The following SDHD variants were observed in gnomAD, a reference collection of about 807,000 sequenced individuals.
SDHD encodes the protein succinate dehydrogenase complex subunit D, also known as succinate dehydrogenase [ubiquinone] cytochrome b small subunit, mitochondrial.
SDHD carries 6 observed loss-of-function variants against 18.7 expected under a neutral mutation model. The observed-to-expected ratio is 0.32, with a 90% CI of 0.18 to 0.63. The LOEUF is 0.63. SDHD is among the 30% of genes least tolerant of loss of function. SDHD has a pLI of 0.79. For synonymous variants in SDHD, 56 were observed against 73.9 expected (o/e 0.76, Z 1.24); for missense variants, 160 against 192.7 (o/e 0.83, Z 1.00).
intron 3 of SDHD, among the ~76,000 whole-genome samples, chr11:112,091,671 C>G (rs1363550523): frequency 6.6e-6 from 1 of 151,990 alleles, no homozygotes; most frequent in Non-Finnish European, 1.5e-5. Flanking sequence ...CCTTTAAAAC[C>G]CCCTTCTCAA....
intron 3 of SDHD, among the ~76,000 whole-genome samples, chr11:112,091,748 T>C (rs557516428): frequency 1.1e-4 from 17 of 152,180 alleles, no homozygotes; most frequent in Non-Finnish European, 2.2e-4. Flanking sequence ...ACCCCACTTA[T>C]TCCATCAGTT....
rs199754684 is a variant in SDHD, at chr11:112,088,978, C to T, written c.281C>T (p.Ser94Phe). ...YLNPCSAMDY[S>F]LAAALTLHGH... ...AATCCTTGCTCTGCGATGGACTATT[C>T]CCTGGCTGCAGCCCTCACTCTTCAT... Residue 94 changes from serine (S) to phenylalanine (F), a missense_variant, in exon 3 of 4, where the codon TCC becomes TTC. By Grantham distance (155) the Ser-to-Phe change is radical. Coordinates refer to ENST00000375549, the MANE Select transcript of SDHD (RefSeq NM_003002.4). 4.3e-6 allele frequency: 7 copies of T among 1,614,150 alleles called. No homozygotes were observed. Among genetic ancestry groups the T allele is most frequent in the Admixed American group, 1.7e-5 (1 of 60,024 alleles).
In SDHD at chr11:112,095,737, A is replaced by G. The variant is rs1865831346; in HGVS notation, c.*767A>G. On this transcript the variant is annotated 3_prime_UTR_variant, in exon 4 of 4. Coordinates refer to ENST00000375549, the MANE Select transcript of SDHD (RefSeq NM_003002.4). ...AATCTCTAATGTGAAAATGTATTCT[A>G]TGAAAATAATTTTTTTAAATAAAAT... 4.7e-6 allele frequency: 1 copy of G among 213,580 alleles called. No individual in the cohort carries two copies. 13.2% of individuals were successfully genotyped at this position (213,580 alleles called of 1,614,324 possible). A position where few individuals can be genotyped will look rare whatever the true frequency, so the allele number is the denominator to read the frequency against.
chr11:112,093,331 G>C (rs939215430), intron 3 of SDHD: 1 of 204,382 alleles, frequency 4.9e-6, no homozygotes, highest in Admixed American at 6.2e-5. Context: ...CACCCAAAGT[G>C]CTGGGATTAC....
Position 112,095,322 on chromosome 11 carries a change from C to G in SDHD, c.*352C>G, listed in dbSNP as rs192900956. Reference sequence around the variant, plus strand: ...TTACGATTAGTATATGATCAAACTTCCATATTTGCCTTGGGAATAATGGAC... The same window carrying G: ...TTACGATTAGTATATGATCAAACTTGCATATTTGCCTTGGGAATAATGGAC... On this transcript the variant is annotated 3_prime_UTR_variant, in exon 4 of 4. Transcript: ENST00000375549. 254 of 346,824 alleles carry G rather than the reference C, an allele frequency of 7.3e-4. 1 individual carries two copies. The highest frequency in any genetic ancestry group is 4.3e-3 in the African/African-American group (212 of 49,052). 21.5% of individuals were successfully genotyped at this position (346,824 alleles called of 1,614,324 possible).
At chr11:112,088,142 T>A in intron 2 of SDHD, 169 bp downstream of exon 2, 1 of 719,360 alleles carries the variant, frequency 1.4e-6, no homozygotes, top group Non-Finnish European at 2.6e-6. Context: ...TATGGTTGAA[T>A]GATGCCATTT....
chr11:112,087,709 C>T (rs1288648924), intron 1 of SDHD, 148 bp from the exon 2 acceptor site: 11 of 734,732 alleles, frequency 1.5e-5, no homozygotes, highest in Non-Finnish European at 2.5e-5. Context: ...TTCACAGTAA[C>T]CCCAGTGAAA....
chr11:112,089,914 C>T (rs1865712477), intron 3 of SDHD, among the ~76,000 whole-genome samples: 1 of 151,318 alleles, frequency 6.6e-6, no homozygotes, highest in South Asian at 2.1e-4. Flanking sequence ...AATGTATATC[C>T]CTAAATAGTA....
chr11:112,092,403 C>G (rs529605500), intron 3 of SDHD, among the ~76,000 whole-genome samples: 3 of 152,306 alleles, frequency 2.0e-5, no homozygotes, highest in Middle Eastern at 3.4e-3. Flanking sequence ...AGTTGTTGCT[C>G]TGTCCCCCAC....
At chr11:112,090,119 A>G (rs191159401) in intron 3 of SDHD, among the ~76,000 whole-genome samples, 33 of 151,840 alleles carry the variant, frequency 2.2e-4, no homozygotes, top group Admixed American at 9.8e-4. Context: ...TTGTTTGTTT[A>G]TTTTTTGAGA....
chr11:112,093,109 GGCACGATCTCGGCTCAGCACGATCTCA>G (rs1865777167), intron 3 of SDHD: 1 of 359,890 alleles, frequency 2.8e-6, no homozygotes, highest in Admixed American at 3.1e-5. Flanking sequence ...ATCTTGGCTC[GGCACGATCTCGGCTCAGCACGATCTCA>G]GCTTACTGCA....
intron 2 of SDHD, chr11:112,088,546 A>C (rs575355060): frequency 3.0e-5 from 12 of 397,008 alleles, no homozygotes; most frequent in South Asian, 2.6e-4. Context: ...GTGTCTGTTC[A>C]CTTCACTGAA....
Position 112,090,553 on chromosome 11 carries a change from G to C in SDHD, c.314+1542G>C, listed in dbSNP as rs775798464. 3.3e-5 allele frequency among the ~76,000 whole-genome samples: 5 copies of C among 152,160 alleles called. No individual in the cohort carries two copies. The East Asian group carries it at 9.6e-4, about 29-fold the overall frequency. On this transcript the variant is annotated intron_variant, in intron 3 of 3. Coordinates refer to ENST00000375549, the MANE Select transcript of SDHD (RefSeq NM_003002.4). Reference sequence around the variant, plus strand: ...GGACAATATGTTGTCATTGTGGGGGGTAGGGAGCCACTTTCGGATTGTTGA... The same window carrying C: ...GGACAATATGTTGTCATTGTGGGGGCTAGGGAGCCACTTTCGGATTGTTGA...
At chr11:112,089,760 A>C (rs1420789624) in intron 3 of SDHD, among the ~76,000 whole-genome samples, 1 of 152,082 alleles carries the variant, frequency 6.6e-6, no homozygotes, top group Non-Finnish European at 1.5e-5. Flanking sequence ...CTAACCACTT[A>C]TTCAAAATTG....
intron 3 of SDHD, among the ~76,000 whole-genome samples, chr11:112,091,727 T>A (rs1034352891): frequency 2.6e-5 from 4 of 152,230 alleles, no homozygotes; most frequent in African/African-American, 9.6e-5. Context: ...TAGATATTTC[T>A]TTTTGTTCTT....
At chr11:112,088,121 G>A (rs1865661516) in intron 2 of SDHD, 148 bp downstream of exon 2, 1 of 756,774 alleles carries the variant, frequency 1.3e-6, no homozygotes, top group Non-Finnish European at 2.4e-6. Flanking sequence ...CCTTTGGGCA[G>A]ACAGTGCCAT....
chr11:112,087,125 A>G (rs1420272045), intron 1 of SDHD, among the ~76,000 whole-genome samples, 166 bp downstream of exon 1: 1 of 152,188 alleles, frequency 6.6e-6, no homozygotes, highest in Non-Finnish European at 1.5e-5. Flanking sequence ...ACCCGAAGGT[A>G]TATTTCACTT....
chr11:112,087,840 A>G lies in SDHD; in HGVS notation c.53-17A>G, dbSNP rs1166658454. 1.3e-6 allele frequency: 2 copies of G among 1,538,568 alleles called. No homozygotes were observed. Among genetic ancestry groups the G allele is most frequent in the Non-Finnish European group, 1.8e-6 (2 of 1,111,946 alleles). Reference sequence around the variant, plus strand: ...AAGGAGAGGTTCTTATGATCATCCTAATGACTCTTTCCTCAGCTCTGTTGC... The same window carrying G: ...AAGGAGAGGTTCTTATGATCATCCTGATGACTCTTTCCTCAGCTCTGTTGC... On this transcript the variant is annotated splice_polypyrimidine_tract_variant and intron_variant, in intron 1 of 3. Coordinates refer to ENST00000375549, the MANE Select transcript of SDHD (RefSeq NM_003002.4).
chr11:112,092,801 A>G (rs1865768496), intron 3 of SDHD, among the ~76,000 whole-genome samples: 1 of 152,200 alleles, frequency 6.6e-6, no homozygotes, highest in South Asian at 2.1e-4. Context: ...GTGTCCACGC[A>G]AAAAACTTGT....
Sources: gnomAD v4.1 joint callset for allele counts (sites outside exome capture counted in the v4.1 genomes callset) on GRCh38, gnomAD v4.1.1 for gene constraint, MANE v1.5 for transcripts, NCBI Gene and HGNC (gene_info 2026-07-23, HGNC 2026-07-21) for gene names.